Variants in TRPM6 observed in about 807,000 individuals in gnomAD.
TRPM6 encodes channel kinase 2.
TRPM6 carries 111 observed loss-of-function variants against 247.6 expected under a neutral mutation model. That is an observed-to-expected ratio of 0.45 (90% CI 0.38 to 0.52). TRPM6 has a LOEUF of 0.52. Among genes scored for constraint, TRPM6 ranks in the 20% least tolerant of loss-of-function variants. The pLI is 0.00. For synonymous variants in TRPM6, 892 were observed against 853.8 expected (o/e 1.04, Z -0.78); for missense variants, 2,126 against 2,421.5 (o/e 0.88, Z 2.56).
At chr9:74,856,459 G>GTGTGTGTGTGTGTT (rs901146745) in intron 2 of TRPM6, among the ~76,000 whole-genome samples, 3 of 106,474 alleles carry the variant, frequency 2.8e-5, no homozygotes, top group African/African-American at 1.4e-4. Context: ...GTGTGTGTGT[G>GTGTGTGTGTGTGTT]TGTGTGTCTG....
chr9:74,743,229 G>A (rs1019261407), intron 32 of TRPM6, among the ~76,000 whole-genome samples: 4 of 152,146 alleles, frequency 2.6e-5, no homozygotes, highest in Non-Finnish European at 5.9e-5. Context: ...TAAGAGCCTG[G>A]GTTGAGGAGT....
At chr9:74,805,613 G>A (rs1205628668) in intron 14 of TRPM6, among the ~76,000 whole-genome samples, 1 of 152,138 alleles carries the variant, frequency 6.6e-6, no homozygotes, top group South Asian at 2.1e-4. Flanking sequence ...TCACCTGGAC[G>A]AAAATTTGAA....
At chr9:74,742,539 A>G (rs1490889702) in intron 33 of TRPM6, 22 bp downstream of exon 33, 10 of 1,610,334 alleles carry the variant, frequency 6.2e-6, no homozygotes, top group Admixed American at 3.3e-5. Context: ...CATAAACTCA[A>G]GAAGGTAGAA....
At position 74,755,348 on chromosome 9, in the gene TRPM6, C is replaced by T. The variant is rs1351230413; in HGVS notation, c.4906+5G>A. On this transcript the variant is annotated splice_donor_5th_base_variant and intron_variant, in intron 28 of 38. Coordinates refer to ENST00000360774, the MANE Select transcript of TRPM6 (RefSeq NM_017662.5). The stretch of plus-strand genomic sequence containing the variant: ...TTGGGATCCAAAATTGTAGATGTTA[C>T]ATACCTGTGTGACTAAATTTGGACA... The T allele has an allele frequency of 6.2e-7, 1 of 1,613,976 alleles. No homozygotes were observed. The highest frequency in any genetic ancestry group is 2.2e-5 in the East Asian group (1 of 44,872).
rs367569098 is a variant in TRPM6 at position 74,788,721 on chromosome 9, T to C, written c.2560A>G (p.Met854Val). 1.9e-5 allele frequency: 30 copies of C among 1,614,004 alleles called. No individual in the cohort carries two copies. The African/African-American group carries it at 3.9e-4, about 21-fold the overall frequency. ...ACCAACACGGTGTAAGTGAACAGCA[T>C]GAGGAATGCCAAATACGCCATCTGT... ...FYTMAYLAFL[M>V]LFTYTVLVEM... Residue 854 changes from methionine (M) to valine (V), a missense_variant, in exon 20 of 39, where the codon ATG becomes GTG. Met to Val is a conservative substitution (Grantham distance 21). Transcript: ENST00000360774.
At chr9:74,789,134 C>G (rs1261060789) in intron 19 of TRPM6, among the ~76,000 whole-genome samples, 1 of 152,172 alleles carries the variant, frequency 6.6e-6, no homozygotes, top group Non-Finnish European at 1.5e-5. Flanking sequence ...CATGCCAGAT[C>G]CGCAGTGGCA....
intron 6 of TRPM6, among the ~76,000 whole-genome samples, chr9:74,830,215 T>G (rs867168206): frequency 4.6e-5 from 7 of 152,000 alleles, no homozygotes; most frequent in Admixed American, 2.0e-4. Flanking sequence ...GATGAAGAGA[T>G]GTTGAACCTC....
At position 74,762,349 on chromosome 9, in the gene TRPM6, G is replaced by C; in HGVS notation, c.4322C>G (p.Ser1441Cys). 1 of 1,614,234 alleles carries C rather than the reference G, an allele frequency of 6.2e-7. No homozygotes were observed. ...TCCAGTTTGCATGATCTTGGCTTGG[G>C]AAAGAGGGGAGCTCATTGTCATGGG... ...PEPMTMSSPL[S>C]QAKIMQTGGG... Residue 1441 changes from serine to cysteine, a missense_variant, in exon 26 of 39, where the codon TCC becomes TGC. Transcript: ENST00000360774.
intron 14 of TRPM6, 62 bp from the exon 15 acceptor site, chr9:74,803,948 TA>T: frequency 9.2e-7 from 1 of 1,085,826 alleles, no homozygotes; most frequent in Non-Finnish European, 1.4e-6. Flanking sequence ...ATTTTTAAAA[TA>T]AAACAAAAGG....
Position 74,724,627 on chromosome 9 carries a change from C to T in TRPM6, c.6055G>A (p.Asp2019Asn), listed in dbSNP as rs1825254729. 2 of 1,614,180 alleles carry T rather than the reference C, an allele frequency of 1.2e-6. No homozygotes were observed. Among genetic ancestry groups the T allele is most frequent in the Non-Finnish European group, 1.7e-6 (2 of 1,180,030 alleles). The stretch of plus-strand genomic sequence containing the variant: ...CTCCTCCCTTTTTATAGTTGCATAT[C>T]ATCTTCTGGGGAATTTCTACCCGTC... ...RETGRNSPEDDMQL is the reference protein window; with the variant it reads ...RETGRNSPEDNMQL The change falls in exon 39 of 39, where the codon GAT becomes AAT. Residue 2019 changes from aspartate to asparagine, a missense_variant. Physicochemically the swap from Asp to Asn is conservative, Grantham distance 23 (BLOSUM62 1). Transcript: ENST00000360774.
intron 6 of TRPM6, 127 bp downstream of exon 6, chr9:74,833,871 A>G: frequency 1.6e-6 from 2 of 1,282,148 alleles, no homozygotes; most frequent in Non-Finnish European, 2.2e-6. Flanking sequence ...AGCAGCAGAA[A>G]GTCAGGAGTT....
At chr9:74,813,202 A>G (rs1828797257) in intron 11 of TRPM6, among the ~76,000 whole-genome samples, 1 of 152,214 alleles carries the variant, frequency 6.6e-6, no homozygotes, top group Non-Finnish European at 1.5e-5. Context: ...CATTAAAACT[A>G]CAGTAAAGGG....
In TRPM6 at chr9:74,840,008, A is replaced by C. The variant is rs1285237320; in HGVS notation, c.544+16T>G. The C allele has an allele frequency of 6.3e-7, 1 of 1,589,696 alleles. No individual in the cohort carries two copies. Among genetic ancestry groups the C allele is most frequent in the Middle Eastern group, 1.7e-4 (1 of 6,036 alleles). ...GTGAAAGAGAGGGTGGGAGAAATGG[A>C]GGGAGGGAGCTTTACCTGTATTGAT... On this transcript the variant is annotated intron_variant, in intron 5 of 38. Coordinates refer to ENST00000360774, the MANE Select transcript of TRPM6 (RefSeq NM_017662.5).
chr9:74,850,491 G>A (rs769546783), intron 3 of TRPM6, among the ~76,000 whole-genome samples: 17 of 151,916 alleles, frequency 1.1e-4, no homozygotes, highest in Non-Finnish European at 1.3e-4. Flanking sequence ...AGGCTGAGGT[G>A]GGTGGATCAC....
At position 74,724,711 on chromosome 9, in the gene TRPM6, T is replaced by G. The variant is rs201794531; in HGVS notation, c.5971A>C (p.Asn1991His). 1 of 1,614,168 alleles carries G rather than the reference T, an allele frequency of 6.2e-7. No homozygotes were observed. Among genetic ancestry groups the G allele is most frequent in the Non-Finnish European group, 8.5e-7 (1 of 1,180,016 alleles). ...KRNDYSPERI[N>H]STFGLEIKIE... Reference sequence around the variant, plus strand: ...TTTATCTCAAGTCCAAAGGTGGAATTTATCCTTTCAGGGGAATAGTCATTT... The same window carrying G: ...TTTATCTCAAGTCCAAAGGTGGAATGTATCCTTTCAGGGGAATAGTCATTT... The change falls in exon 39 of 39, where the codon AAT becomes CAT. Residue 1991 changes from asparagine (N) to histidine (H), a missense_variant. Transcript: ENST00000360774.
In TRPM6 at chr9:74,771,777, C is replaced by T. The variant is rs1420832849; in HGVS notation, c.3462G>A (p.Val1154=). ...KKLHDFEEQC[V]EKYFHEKMED... ...CCATCTTCTCATGGAAGTATTTTTC[C>T]ACGCACTGCTCCTCAAAATCATGAA... The change falls in exon 25 of 39, where the codon GTG becomes GTA. Residue 1154 remains valine (V), a synonymous_variant. Coordinates refer to ENST00000360774, the MANE Select transcript of TRPM6 (RefSeq NM_017662.5). 2 of 1,613,766 alleles carry T rather than the reference C, an allele frequency of 1.2e-6. No homozygotes were observed. Among genetic ancestry groups the T allele is most frequent in the South Asian group, 1.1e-5 (1 of 91,084 alleles).
intron 30 of TRPM6, 44 bp downstream of exon 30, chr9:74,750,620 T>C: frequency 6.3e-7 from 1 of 1,577,914 alleles, no homozygotes; most frequent in East Asian, 2.2e-5. Context: ...GTTAAAAAAA[T>C]GGAAGCCAAA....
rs1009179758 is a variant in TRPM6 at position 74,887,238 on chromosome 9, G to A, written c.33+586C>T. The stretch of plus-strand genomic sequence containing the variant: ...GGCGGGGCGGGTGTTTACCGTAACC[G>A]GCGCTGTCATCGCTCCGGGACTCCT... On this transcript the variant is annotated intron_variant, in intron 1 of 38. Transcript: ENST00000360774. 15 of 1,272,966 alleles carry A rather than the reference G, an allele frequency of 1.2e-5. No individual in the cohort carries two copies. In the African/African-American group the frequency reaches 2.0e-4, roughly 17 times the overall value. 78.9% of individuals were successfully genotyped at this position (1,272,966 alleles called of 1,614,324 possible).
At chr9:74,834,505 G>A (rs1009161606) in intron 5 of TRPM6, among the ~76,000 whole-genome samples, 5 of 151,510 alleles carry the variant, frequency 3.3e-5, no homozygotes, top group African/African-American at 9.7e-5. Flanking sequence ...GGGTACATGC[G>A]CACAACGAGT....
Sources: allele counts gnomAD v4.1 joint callset (sites outside exome capture counted in the v4.1 genomes callset), GRCh38; gene constraint gnomAD v4.1.1; transcripts MANE v1.5; gene names NCBI Gene and HGNC (gene_info 2026-07-23, HGNC 2026-07-21).